Variants in DNER observed in about 807,000 individuals in gnomAD.
The protein encoded by DNER is delta and Notch-like epidermal growth factor-related receptor.
A neutral mutation model predicts 78.2 loss-of-function variants in DNER; 33 were observed. That is an observed-to-expected ratio of 0.42 (90% confidence interval 0.32 to 0.56). The LOEUF (loss-of-function observed/expected upper bound fraction) is 0.56, where lower values mean the gene tolerates loss of function less well. Among genes scored for constraint, DNER ranks in the 20% least tolerant of loss-of-function variants. The probability of loss-of-function intolerance (pLI) is 0.11; values close to 1 mark genes in which losing one functional copy is unlikely to be tolerated. For missense variants in DNER, 918 were observed against 975.3 expected (o/e 0.94, Z 0.78); for synonymous variants, 417 against 384.8 (o/e 1.08, Z -0.98).
chr2:229,466,575 C>T (rs533200001), intron 7 of DNER, among the ~76,000 whole-genome samples: 3 of 152,122 alleles, frequency 2.0e-5, no homozygotes, highest in African/African-American at 2.4e-5. Flanking sequence ...TGCTGTCTCT[C>T]GGGGCCACTA....
At chr2:229,367,698 A>G (rs979453498) in intron 11 of DNER, among the ~76,000 whole-genome samples, 1 of 152,210 alleles carries the variant, frequency 6.6e-6, no homozygotes, top group Non-Finnish European at 1.5e-5. Flanking sequence ...TGGCTTCAGA[A>G]TTACAAAAAA....
intron 5 of DNER, among the ~76,000 whole-genome samples, chr2:229,529,077 TC>T (rs1320646948): frequency 6.6e-6 from 1 of 152,212 alleles, no homozygotes; most frequent in East Asian, 1.9e-4. Flanking sequence ...ATTATGCTAA[TC>T]TAAATATGGA....
chr2:229,559,750 C>A (rs139060908), intron 4 of DNER, among the ~76,000 whole-genome samples: 1 of 152,288 alleles, frequency 6.6e-6, no homozygotes, highest in Non-Finnish European at 1.5e-5. Context: ...TGAAGGGGAA[C>A]TTTCTCCAAA....
intron 6 of DNER, among the ~76,000 whole-genome samples, chr2:229,483,787 A>C (rs1249008235): frequency 6.6e-6 from 1 of 152,148 alleles, no homozygotes; most frequent in East Asian, 1.9e-4. Context: ...TAAGCTCAGA[A>C]GTCACTTGCT....
chr2:229,486,454 GTAAA>G (rs927406321), intron 6 of DNER, among the ~76,000 whole-genome samples: 2 of 152,082 alleles, frequency 1.3e-5, no homozygotes, highest in Non-Finnish European at 2.9e-5. Context: ...CATCTAACAA[GTAAA>G]TAGACAAGAG....
chr2:229,655,921 C>T (rs1698903862), intron 1 of DNER, among the ~76,000 whole-genome samples: 1 of 152,076 alleles, frequency 6.6e-6, no homozygotes, highest in East Asian at 1.9e-4. Flanking sequence ...CAGGCATTCA[C>T]GTTAAGCTGC....
intron 4 of DNER, among the ~76,000 whole-genome samples, chr2:229,579,079 T>C (rs1425569817): frequency 5.3e-5 from 8 of 152,216 alleles, no homozygotes; most frequent in Admixed American, 5.2e-4. Context: ...ACTAGTCCAT[T>C]TCTAGCACTA....
chr2:229,424,195 G>T (rs1309401091), intron 8 of DNER, among the ~76,000 whole-genome samples: 1 of 152,220 alleles, frequency 6.6e-6, no homozygotes, highest in East Asian at 1.9e-4. Context: ...ATCCAGTGTG[G>T]TAGCAAGTTA....
intron 4 of DNER, among the ~76,000 whole-genome samples, chr2:229,555,117 A>C (rs1696833640): frequency 6.6e-6 from 1 of 152,144 alleles, no homozygotes. Flanking sequence ...TTAGGAGACA[A>C]ATATCTCTTG....
intron 11 of DNER, among the ~76,000 whole-genome samples, chr2:229,377,913 C>T (rs114716774): frequency 0.037 from 5,669 of 152,146 alleles, 304 homozygotes; most frequent in African/African-American, 0.13. Flanking sequence ...AATGACTTTC[C>T]TAATGTGATT....
intron 1 of DNER, among the ~76,000 whole-genome samples, chr2:229,612,613 A>C (rs752798561): frequency 4.6e-5 from 7 of 152,210 alleles, no homozygotes; most frequent in Non-Finnish European, 1.0e-4. Context: ...TGCGGACACA[A>C]AGCTGGGTGG....
Position 229,591,620 on chromosome 2 carries a change from G to T in DNER, c.545C>A (p.Thr182Lys). Residue 182 changes from threonine to lysine, a missense_variant, in exon 2 of 13, where the codon ACA becomes AAA. Coordinates refer to ENST00000341772, the MANE Select transcript of DNER (RefSeq NM_139072.4). The surrounding 1 kb of genome is among the most constrained non-coding windows in gnomAD (Gnocchi z 4.6). ...TVTLPTWQPK[T>K]GQKVVEMKWD... ...TTTCATTTCTACAACTTTCTGCCCT[G>T]TTTTCGGCTGCCAGGTAGGCAGTGT... 1 of 1,614,146 alleles carries T rather than the reference G, an allele frequency of 6.2e-7. No homozygotes were observed. The highest frequency in any genetic ancestry group is 8.5e-7 in the Non-Finnish European group (1 of 1,180,016).
chr2:229,619,187 A>G (rs1402024001), intron 1 of DNER, among the ~76,000 whole-genome samples: 1 of 152,108 alleles, frequency 6.6e-6, no homozygotes, highest in Non-Finnish European at 1.5e-5. Context: ...ACACACACAT[A>G]AAATAATTTA....
chr2:229,604,462 G>A (rs1406010518), intron 1 of DNER, among the ~76,000 whole-genome samples: 1 of 152,070 alleles, frequency 6.6e-6, no homozygotes, highest in African/African-American at 2.4e-5. Context: ...TCGGTGGCCT[G>A]GGATCCTTAA....
intron 10 of DNER, among the ~76,000 whole-genome samples, chr2:229,404,276 T>C (rs1693333412): frequency 6.6e-6 from 1 of 152,180 alleles, no homozygotes; most frequent in Admixed American, 6.5e-5. Flanking sequence ...GAAAGAGGTT[T>C]AACTGACTCA....
chr2:229,514,333 C>T (rs1695928743), intron 5 of DNER, among the ~76,000 whole-genome samples: 1 of 152,136 alleles, frequency 6.6e-6, no homozygotes, highest in Non-Finnish European at 1.5e-5. Flanking sequence ...AAGTCCATAA[C>T]AATTGCAAAT....
chr2:229,488,847 T>C (rs572200673), intron 6 of DNER, among the ~76,000 whole-genome samples: 8 of 152,220 alleles, frequency 5.3e-5, no homozygotes, highest in Admixed American at 1.3e-4. Flanking sequence ...AAAGTGGTGA[T>C]TGGACTCTGT....
intron 1 of DNER, among the ~76,000 whole-genome samples, chr2:229,647,064 G>T (rs762644657): frequency 5.3e-4 from 80 of 152,326 alleles, no homozygotes; most frequent in Non-Finnish European, 1.0e-3. Context: ...CTACTTGGGA[G>T]GCTGAGGCAG....
Position 229,407,218 on chromosome 2 carries a change from C to G in DNER, c.1723+14G>C. On this transcript the variant is annotated intron_variant, in intron 10 of 12. Coordinates refer to ENST00000341772, the MANE Select transcript of DNER (RefSeq NM_139072.4). ...TGTGGTAAATTTGAAAACTCAGTCC[C>G]TGGAATCACTTGCCTGTAAACCCGG... 1.3e-6 allele frequency: 2 copies of G among 1,594,814 alleles called. No homozygotes were observed. Among genetic ancestry groups the G allele is most frequent in the Non-Finnish European group, 1.7e-6 (2 of 1,164,842 alleles).
Sources: gnomAD v4.1 joint callset for allele counts (sites outside exome capture counted in the v4.1 genomes callset) on GRCh38, gnomAD v4.1.1 for gene constraint, Gnocchi (gnomAD v3.1) non-coding constraint, MANE v1.5 for transcripts, NCBI Gene and HGNC (gene_info 2026-07-23, HGNC 2026-07-21) for gene names.